HEXB: variants seen among roughly 807,000 people sequenced by gnomAD.
The protein encoded by HEXB is hexosaminidase subunit beta, also known as beta-hexosaminidase subunit beta.
HEXB carries 51 observed loss-of-function variants against 71.2 expected under a neutral mutation model. That is an observed-to-expected ratio of 0.72 (90% CI 0.57 to 0.90). HEXB has a LOEUF of 0.90. Ranked by LOEUF, HEXB falls within the 40% of genes least tolerant of loss-of-function variation. The pLI is 0.00. For synonymous variants in HEXB, 266 were observed against 249.3 expected (o/e 1.07, Z -0.63); for missense variants, 617 against 677.0 (o/e 0.91, Z 0.98).
chr5:74,720,835 A>T, intron 13 of HEXB, 88 bp downstream of exon 13: 1 of 1,038,832 alleles, frequency 9.6e-7, no homozygotes, highest in South Asian at 1.3e-5. Flanking sequence ...TATGTTACCT[A>T]ACAAATAGTA....
intron 1 of HEXB, among the ~76,000 whole-genome samples, chr5:74,674,849 T>C (rs1438260622): frequency 2.0e-5 from 3 of 152,144 alleles, no homozygotes; most frequent in African/African-American, 7.2e-5. Flanking sequence ...TAACTAAGCA[T>C]TGAATGACTG....
At chr5:74,702,568 G>A (rs1412872938) in intron 5 of HEXB, among the ~76,000 whole-genome samples, 1 of 152,072 alleles carries the variant, frequency 6.6e-6, no homozygotes, top group Non-Finnish European at 1.5e-5. Flanking sequence ...TTCATTTCTG[G>A]TATTGTTCAC....
At chr5:74,709,444 A>G (rs1749484300) in intron 6 of HEXB, among the ~76,000 whole-genome samples, 1 of 152,154 alleles carries the variant, frequency 6.6e-6, no homozygotes, top group African/African-American at 2.4e-5. Context: ...ACTAAAATCA[A>G]AGCAGAACTG....
At chr5:74,675,288 G>A (rs1425699466) in intron 1 of HEXB, among the ~76,000 whole-genome samples, 2 of 152,094 alleles carry the variant, frequency 1.3e-5, no homozygotes, top group Admixed American at 1.3e-4. Flanking sequence ...CAACAGTGGG[G>A]GATTCTTACT....
At chr5:74,712,336 C>T (rs1330853386) in intron 6 of HEXB, among the ~76,000 whole-genome samples, 211 of 149,292 alleles carry the variant, frequency 1.4e-3, no homozygotes, top group Non-Finnish European at 2.1e-3. Flanking sequence ...TGCTAGATGA[C>T]GAGTTAGTGG....
At position 74,693,712 on chromosome 5, in the gene HEXB, CCATGCAGTTT is replaced by C; in HGVS notation, c.511+12_511+21del. On this transcript the variant is annotated intron_variant, in intron 3 of 13. Transcript: ENST00000261416. ...TTTGGGGAGCATTACGAGGTAAGTTCCATGCAGTTTCATTGTTACTTTCCAGTAAAGGAAA... is the reference window on the plus strand; with the variant it reads ...TTTGGGGAGCATTACGAGGTAAGTTCCATTGTTACTTTCCAGTAAAGGAAA... 6.2e-7 allele frequency: 1 copy of C among 1,604,622 alleles called. No homozygotes were observed. The highest frequency in any genetic ancestry group is 1.1e-5 in the South Asian group (1 of 90,844).
intron 1 of HEXB, among the ~76,000 whole-genome samples, chr5:74,644,351 C>T (rs1036565345): frequency 6.6e-6 from 1 of 152,192 alleles, no homozygotes; most frequent in African/African-American, 2.4e-5. Flanking sequence ...CAAGGTGGTG[C>T]TCTTTTGCTG....
chr5:74,709,129 T>G (rs1046380898), intron 6 of HEXB, among the ~76,000 whole-genome samples: 1 of 152,218 alleles, frequency 6.6e-6, no homozygotes, highest in Non-Finnish European at 1.5e-5. Flanking sequence ...GAACTCAGGA[T>G]TAAGGAACTC....
At chr5:74,715,731 G>C in intron 8 of HEXB, 41 bp downstream of exon 8, 1 of 1,173,646 alleles carries the variant, frequency 8.5e-7, no homozygotes, top group Non-Finnish European at 1.3e-6. Context: ...AAAAAAAAAA[G>C]AGAGGCTGGG....
At chr5:74,718,762 C>G (rs1749736522) in intron 10 of HEXB, 35 bp from the exon 11 acceptor site, 1 of 1,598,924 alleles carries the variant, frequency 6.3e-7, no homozygotes, top group African/African-American at 1.3e-5. Context: ...TGTTCTAGGC[C>G]TAATAATATG....
chr5:74,696,642 A>G (rs369863020), intron 3 of HEXB, 51 bp from the exon 4 acceptor site: 6 of 953,646 alleles, frequency 6.3e-6, no homozygotes, highest in South Asian at 1.3e-5. Flanking sequence ...AACTTTTATC[A>G]TCTCAATTTG....
At chr5:74,720,303 G>T (rs1372967503) in intron 11 of HEXB, 125 bp from the exon 12 acceptor site, 2 of 768,790 alleles carry the variant, frequency 2.6e-6, no homozygotes, top group Non-Finnish European at 4.7e-6. Flanking sequence ...ATCTCCCAAG[G>T]TCCTGCTAAC....
intron 1 of HEXB, among the ~76,000 whole-genome samples, chr5:74,663,350 C>A (rs1045228102): frequency 1.3e-5 from 2 of 150,096 alleles, no homozygotes; most frequent in African/African-American, 5.1e-5. Context: ...GCCACCACAC[C>A]TGGCTAATTT....
At position 74,708,792 on chromosome 5, in the gene HEXB, C is replaced by A. The variant is rs565982510; in HGVS notation, c.771+3472C>A. Among the ~76,000 whole-genome samples the A allele has an allele frequency of 2.5e-3, 384 of 151,524 alleles. 2 individuals are homozygous for A. Among genetic ancestry groups the A allele is most frequent in the African/African-American group, 8.7e-3 (359 of 41,336 alleles). ...TACAGGAGCACCCAGATTCATAAAG[C>A]AAGTCCTGAGTGACCTACAAAGAGA... On this transcript the variant is annotated intron_variant, in intron 6 of 13. Coordinates refer to ENST00000261416, the MANE Select transcript of HEXB (RefSeq NM_000521.4).
chr5:74,709,375 T>G (rs1230286366), intron 6 of HEXB, among the ~76,000 whole-genome samples: 1 of 151,658 alleles, frequency 6.6e-6, no homozygotes, highest in Non-Finnish European at 1.5e-5. Flanking sequence ...ACATCACAAT[T>G]AAAAGAACTA....
intron 3 of HEXB, among the ~76,000 whole-genome samples, chr5:74,694,687 G>C (rs1749072374): frequency 6.6e-6 from 1 of 152,096 alleles, no homozygotes; most frequent in African/African-American, 2.4e-5. Context: ...GCTTGGGATT[G>C]ATCATAGTCA....
At chr5:74,674,560 C>T (rs1267576752) in intron 1 of HEXB, among the ~76,000 whole-genome samples, 8 of 144,456 alleles carry the variant, frequency 5.5e-5, no homozygotes, top group African/African-American at 1.6e-4. Context: ...GCTGAGATTG[C>T]GCCACTGCAC....
rs186579402 is a variant in HEXB, at chr5:74,715,242, A to G, written c.902-268A>G. Among the ~76,000 whole-genome samples the G allele has an allele frequency of 1.8e-4, 27 of 152,344 alleles. No individual in the cohort carries two copies. The East Asian group carries it at 4.2e-3, about 24-fold the overall frequency. ...TGAAATATGAATTGAAGCTCAAGAA[A>G]AAGCGTTGAGGCAAACTGAAGATTT... On this transcript the variant is annotated intron_variant, in intron 7 of 13. Transcript: ENST00000261416.
At chr5:74,686,981 A>G (rs1748889463) in intron 1 of HEXB, among the ~76,000 whole-genome samples, 1 of 152,248 alleles carries the variant, frequency 6.6e-6, no homozygotes, top group Non-Finnish European at 1.5e-5. Flanking sequence ...ACAAGAAAGC[A>G]TGGGTGATGT....
Sources: allele counts gnomAD v4.1 joint callset (sites outside exome capture counted in the v4.1 genomes callset), GRCh38; gene constraint gnomAD v4.1.1; transcripts MANE v1.5; gene names NCBI Gene and HGNC (gene_info 2026-07-23, HGNC 2026-07-21).